The following MBNL2 variants were observed in gnomAD, a reference collection of about 807,000 sequenced individuals.
MBNL2 encodes muscleblind-like protein 2.
Under a neutral mutation model 41.9 loss-of-function variants are expected in MBNL2, and 17 were observed. The ratio of observed to expected loss-of-function variants is 0.41; its 90% CI spans 0.28 to 0.61. MBNL2 has a LOEUF of 0.61. Among genes scored for constraint, MBNL2 ranks in the 20% least tolerant of loss-of-function variants. MBNL2 has a pLI of 0.35. For synonymous variants in MBNL2, 195 were observed against 182.9 expected (o/e 1.07, Z -0.53); for missense variants, 336 against 505.6 (o/e 0.66, Z 3.22).
intron 1 of MBNL2, among the ~76,000 whole-genome samples, chr13:97,231,628 G>A (rs2042388823): frequency 6.6e-6 from 1 of 152,176 alleles, no homozygotes; most frequent in Non-Finnish European, 1.5e-5. Flanking sequence ...CATGAAGCCA[G>A]GGACTTCAGC....
chr13:97,163,525 G>A, the MBNL2 span, among the ~76,000 whole-genome samples: 261 of 152,272 alleles, frequency 1.7e-3, 1 homozygote, highest in African/African-American at 5.7e-3. Flanking sequence ...CCCCTTCTCC[G>A]CACCTTGTAT....
rs1487985361 is a variant in MBNL2 at position 97,394,017 on chromosome 13, G to GTACAC, written c.*2569_*2570insACACT. On this transcript the variant is annotated 3_prime_UTR_variant, in exon 9 of 9. Transcript: ENST00000679496. Reference sequence around the variant, plus strand: ...GAATTCCCTCATTCATTACCTTACAGTGTAAACAGGAGTCTAATTTGTATC... The same window carrying GTACAC: ...GAATTCCCTCATTCATTACCTTACAGTACACTGTAAACAGGAGTCTAATTTGTATC... The GTACAC allele has an allele frequency of 7.9e-5, 12 of 152,546 alleles. No individual in the cohort carries two copies. Among genetic ancestry groups the GTACAC allele is most frequent in the Non-Finnish European group, 7.4e-5 (5 of 67,990 alleles). The allele number at this position is 152,546 out of a possible 1,614,324, so 9.4% of individuals were successfully genotyped here. A position where few individuals can be genotyped will look rare whatever the true frequency, so the allele number is the denominator to read the frequency against.
chr13:97,235,929 T>C (rs1260161049), intron 1 of MBNL2, among the ~76,000 whole-genome samples: 8 of 151,292 alleles, frequency 5.3e-5, no homozygotes, highest in Non-Finnish European at 1.5e-5. Flanking sequence ...AGCCTTCTAG[T>C]GAACATGTTA....
chr13:97,339,000 A>G (rs1158944834), intron 3 of MBNL2, among the ~76,000 whole-genome samples: 1 of 151,140 alleles, frequency 6.6e-6, no homozygotes, highest in Admixed American at 6.6e-5. Flanking sequence ...TGTTTGCGTG[A>G]GAGTGTGTTG....
chr13:97,248,487 T>C (rs1295462856), intron 1 of MBNL2, among the ~76,000 whole-genome samples: 1 of 152,144 alleles, frequency 6.6e-6, no homozygotes, highest in Non-Finnish European at 1.5e-5. Flanking sequence ...GGTGAATAGC[T>C]TAGTTGGTTA....
intron 1 of MBNL2, among the ~76,000 whole-genome samples, chr13:97,260,656 GAGAA>G (rs1042197240): frequency 1.3e-5 from 2 of 152,236 alleles, no homozygotes; most frequent in African/African-American, 2.4e-5. Flanking sequence ...GGGAGGAGGG[GAGAA>G]AGAAAGAACA....
the MBNL2 span, among the ~76,000 whole-genome samples, chr13:97,159,827 AC>A: frequency 1.3e-5 from 2 of 150,312 alleles, no homozygotes; most frequent in African/African-American, 4.9e-5. Flanking sequence ...GCTGCCCTTA[AC>A]ATTTTTTCCT....
At chr13:97,214,149 T>C in the MBNL2 span, among the ~76,000 whole-genome samples, 1 of 151,708 alleles carries the variant, frequency 6.6e-6, no homozygotes, top group African/African-American at 2.4e-5. Context: ...TGTAGGGATC[T>C]AAGCTGCTCA....
chr13:97,219,896 G>A (rs568069029), upstream of MBNL2, among the ~76,000 whole-genome samples: 1 of 152,342 alleles, frequency 6.6e-6, no homozygotes, highest in Non-Finnish European at 1.5e-5. Flanking sequence ...AAATCATCAT[G>A]ATAAAAGATA....
At chr13:97,160,824 C>T in the MBNL2 span, among the ~76,000 whole-genome samples, 1 of 152,192 alleles carries the variant, frequency 6.6e-6, no homozygotes, top group Non-Finnish European at 1.5e-5. Flanking sequence ...TTTTATTTCA[C>T]TAATCAATAG....
At chr13:97,154,914 T>A in the MBNL2 span, among the ~76,000 whole-genome samples, 2 of 152,046 alleles carry the variant, frequency 1.3e-5, no homozygotes, top group African/African-American at 4.8e-5. Context: ...CAATATTGAG[T>A]ACTGCACAAA....
intron 2 of MBNL2, among the ~76,000 whole-genome samples, chr13:97,333,527 A>C (rs2060595397): frequency 6.6e-6 from 1 of 152,218 alleles, no homozygotes; most frequent in Non-Finnish European, 1.5e-5. Flanking sequence ...ATAGAGTGAC[A>C]GCTTTTGTGT....
chr13:97,215,882 G>A, the MBNL2 span, among the ~76,000 whole-genome samples: 1 of 152,142 alleles, frequency 6.6e-6, no homozygotes, highest in Non-Finnish European at 1.5e-5. Flanking sequence ...AGGATTCTAA[G>A]CCCTAAGGGC....
intron 2 of MBNL2, among the ~76,000 whole-genome samples, chr13:97,305,365 A>G (rs1378372307): frequency 6.6e-6 from 1 of 152,244 alleles, no homozygotes; most frequent in Non-Finnish European, 1.5e-5. Context: ...CACATGTATC[A>G]GATGATATGA....
intron 5 of MBNL2, among the ~76,000 whole-genome samples, chr13:97,352,502 C>T (rs987418350): frequency 6.6e-6 from 1 of 152,084 alleles, no homozygotes; most frequent in Non-Finnish European, 1.5e-5. Flanking sequence ...CCAGGCATGA[C>T]GTTTATCGAT....
At chr13:97,171,498 CAT>C in the MBNL2 span, among the ~76,000 whole-genome samples, 10 of 152,178 alleles carry the variant, frequency 6.6e-5, no homozygotes, top group Non-Finnish European at 1.2e-4. Flanking sequence ...TAAATATATT[CAT>C]GTGTACATAC....
At chr13:97,258,486 T>C (rs1445029191) in intron 1 of MBNL2, among the ~76,000 whole-genome samples, 1 of 152,236 alleles carries the variant, frequency 6.6e-6, no homozygotes, top group Non-Finnish European at 1.5e-5. Flanking sequence ...AATTACCCTC[T>C]TCCTGTTCCT....
the MBNL2 span, among the ~76,000 whole-genome samples, chr13:97,202,600 T>C: frequency 6.6e-6 from 1 of 152,188 alleles, no homozygotes; most frequent in Non-Finnish European, 1.5e-5. Context: ...AGAATCCTTA[T>C]CTACTGCAAT....
chr13:97,215,940 A>G, the MBNL2 span, among the ~76,000 whole-genome samples: 1 of 152,212 alleles, frequency 6.6e-6, no homozygotes, highest in Admixed American at 6.5e-5. Flanking sequence ...ATAGTGGCTA[A>G]CAGACATTGA....
Sources: allele counts gnomAD v4.1 joint callset (sites outside exome capture counted in the v4.1 genomes callset), GRCh38; gene constraint gnomAD v4.1.1; transcripts MANE v1.5; gene names NCBI Gene and HGNC (gene_info 2026-07-23, HGNC 2026-07-21).